ATXN7L1: variants seen among roughly 807,000 people sequenced by gnomAD.
ATXN7L1 encodes ataxin 7 like 1, also known as ataxin-7-like protein 1.
A neutral mutation model predicts 70.8 loss-of-function variants in ATXN7L1; 15 were observed. That is an observed-to-expected ratio of 0.21 (90% confidence interval 0.14 to 0.33). The LOEUF (loss-of-function observed/expected upper bound fraction) is 0.33. Among genes scored for constraint, ATXN7L1 ranks in the 10% least tolerant of loss-of-function variants. The pLI is 1.00. For missense variants in ATXN7L1, 975 were observed against 1,097.1 expected, an observed-to-expected ratio of 0.89 and a Z score of 1.57; for synonymous variants, 440 against 445.1, an observed-to-expected ratio of 0.99 and a Z score of 0.14.
intron 3 of ATXN7L1, among the ~76,000 whole-genome samples, chr7:105,716,090 C>T (rs1794510809): frequency 6.6e-6 from 1 of 152,082 alleles, no homozygotes; most frequent in Admixed American, 6.6e-5. Flanking sequence ...TTACTTAAGT[C>T]ATCTGAGGCC....
At chr7:105,813,398 C>T (rs1187983742) in intron 2 of ATXN7L1, among the ~76,000 whole-genome samples, 1 of 145,796 alleles carries the variant, frequency 6.9e-6, no homozygotes, top group East Asian at 2.0e-4. Flanking sequence ...AGTGCAATGG[C>T]ACAATCTCAG....
chr7:105,791,491 C>T (rs1473409224), intron 2 of ATXN7L1, among the ~76,000 whole-genome samples: 3 of 152,184 alleles, frequency 2.0e-5, no homozygotes, highest in Non-Finnish European at 4.4e-5. Context: ...CTTAGAGCCG[C>T]GGAGATGACC....
At chr7:105,768,603 CT>C (rs1801586718) in intron 3 of ATXN7L1, among the ~76,000 whole-genome samples, 2 of 152,220 alleles carry the variant, frequency 1.3e-5, no homozygotes, top group African/African-American at 4.8e-5. Context: ...AGTTTTTGGT[CT>C]GCACAGTTCT....
intron 2 of ATXN7L1, among the ~76,000 whole-genome samples, chr7:105,792,640 C>T (rs918027446): frequency 3.3e-5 from 5 of 152,210 alleles, no homozygotes; most frequent in African/African-American, 1.2e-4. Context: ...CTGAAGTGGG[C>T]TGATACCAGC....
chr7:105,815,999 A>G (rs952751252), intron 2 of ATXN7L1, among the ~76,000 whole-genome samples: 1 of 152,240 alleles, frequency 6.6e-6, no homozygotes, highest in Non-Finnish European at 1.5e-5. Context: ...TAATCCCAGT[A>G]CACTGGTTGG....
At chr7:105,777,250 A>G (rs2116454672) in intron 3 of ATXN7L1, among the ~76,000 whole-genome samples, 2 of 152,342 alleles carry the variant, frequency 1.3e-5, no homozygotes, top group South Asian at 4.1e-4. Flanking sequence ...ACATGCCAAT[A>G]AAACACTGAG....
Position 105,682,223 on chromosome 7 carries a change from CAAAACAA to C in ATXN7L1, c.356-16942_356-16936del, listed in dbSNP as rs566168818. Among the ~76,000 whole-genome samples, 169 of 151,414 alleles carry C rather than the reference CAAAACAA, an allele frequency of 1.1e-3. 1 individual carries two copies. The highest frequency in any genetic ancestry group is 3.8e-3 in the African/African-American group (158 of 41,236). Reference sequence around the variant, plus strand: ...TGGGTGACAGAGCTAGACCCCGTCTCAAAACAAAAAACAAAAAACAAAGAGTTCAGGA... The same window carrying C: ...TGGGTGACAGAGCTAGACCCCGTCTCAAAACAAAAAACAAAGAGTTCAGGA... On this transcript the variant is annotated intron_variant, in intron 3 of 11. Coordinates refer to ENST00000419735, the MANE Select transcript of ATXN7L1 (RefSeq NM_020725.2).
At chr7:105,863,318 G>A (rs1033333729) in intron 2 of ATXN7L1, among the ~76,000 whole-genome samples, 3 of 152,222 alleles carry the variant, frequency 2.0e-5, no homozygotes, top group East Asian at 3.9e-4. Flanking sequence ...ATGAGAGAGC[G>A]TTTCCCTGAT....
chr7:105,787,188 C>T (rs892454123), intron 3 of ATXN7L1, among the ~76,000 whole-genome samples: 7 of 152,232 alleles, frequency 4.6e-5, no homozygotes, highest in African/African-American at 7.2e-5. Context: ...TTGCTCCTTT[C>T]CTGCTCAGTC....
intron 3 of ATXN7L1, among the ~76,000 whole-genome samples, chr7:105,780,598 T>G (rs1803383248): frequency 6.6e-6 from 1 of 152,102 alleles, no homozygotes; most frequent in South Asian, 2.1e-4. Flanking sequence ...ATTATCTCTG[T>G]CTGATGGGCG....
At chr7:105,784,359 T>C (rs1803959371) in intron 3 of ATXN7L1, among the ~76,000 whole-genome samples, 1 of 152,168 alleles carries the variant, frequency 6.6e-6, no homozygotes, top group African/African-American at 2.4e-5. Flanking sequence ...ACTCACAATT[T>C]GGTATCAGAA....
At position 105,661,290 on chromosome 7, in the gene ATXN7L1, G is replaced by A. The variant is rs1801565344; in HGVS notation, c.578+3776C>T. On this transcript the variant is annotated intron_variant, in intron 4 of 11. Transcript: ENST00000419735. ...CATTAAATGTTGAGTAAAGATGGACGGATGTTCTAGGCAAAGGTACCAGGG... is the reference window on the plus strand; with the variant it reads ...CATTAAATGTTGAGTAAAGATGGACAGATGTTCTAGGCAAAGGTACCAGGG... 1.3e-5 allele frequency among the ~76,000 whole-genome samples: 2 copies of A among 152,172 alleles called. 1 individual carries two copies. Among genetic ancestry groups the A allele is most frequent in the South Asian group, 4.1e-4 (2 of 4,826 alleles).
intron 4 of ATXN7L1, among the ~76,000 whole-genome samples, chr7:105,652,369 G>C (rs1799978576): frequency 6.6e-6 from 1 of 152,206 alleles, no homozygotes; most frequent in African/African-American, 2.4e-5. Context: ...AATGGTATCA[G>C]AGCCTGGGAG....
At chr7:105,736,668 T>C (rs1797414096) in intron 3 of ATXN7L1, among the ~76,000 whole-genome samples, 1 of 152,208 alleles carries the variant, frequency 6.6e-6, no homozygotes, top group South Asian at 2.1e-4. Context: ...CCTGTGGGCT[T>C]ATATAATTTC....
At chr7:105,848,138 AC>A (rs1399560046) in intron 2 of ATXN7L1, among the ~76,000 whole-genome samples, 2 of 152,386 alleles carry the variant, frequency 1.3e-5, no homozygotes, top group Admixed American at 1.3e-4. Flanking sequence ...CACAAAGCTA[AC>A]GAAATGTTCA....
chr7:105,872,207 T>C (rs1033095507), intron 2 of ATXN7L1, among the ~76,000 whole-genome samples: 14 of 152,186 alleles, frequency 9.2e-5, no homozygotes, highest in Admixed American at 8.5e-4. Flanking sequence ...TTAGCCAGGA[T>C]GGTCTCGATC....
At chr7:105,748,259 T>C (rs956723852) in intron 3 of ATXN7L1, among the ~76,000 whole-genome samples, 1 of 152,178 alleles carries the variant, frequency 6.6e-6, no homozygotes, top group African/African-American at 2.4e-5. Context: ...AGAGCAGACT[T>C]AGTCTGCATT....
intron 8 of ATXN7L1, among the ~76,000 whole-genome samples, chr7:105,622,859 T>A (rs969605155): frequency 6.6e-6 from 1 of 152,138 alleles, no homozygotes; most frequent in Admixed American, 6.5e-5. Context: ...GGTGAGGATG[T>A]AATATCGGAG....
intron 2 of ATXN7L1, among the ~76,000 whole-genome samples, chr7:105,871,153 G>A (rs1212340142): frequency 6.7e-6 from 1 of 148,848 alleles, no homozygotes; most frequent in Non-Finnish European, 1.5e-5. Context: ...TCAAAGGAAG[G>A]TACATTCAAT....
Sources: gnomAD v4.1 joint callset for allele counts (sites outside exome capture counted in the v4.1 genomes callset) on GRCh38, gnomAD v4.1.1 for gene constraint, MANE v1.5 for transcripts, NCBI Gene and HGNC (gene_info 2026-07-23, HGNC 2026-07-21) for gene names.